The following DNAI7 variants were observed in gnomAD, a reference collection of about 807,000 sequenced individuals.
DNAI7 encodes cancer susceptibility 1.
A neutral mutation model predicts 86.6 loss-of-function variants in DNAI7; 78 were observed. The observed-to-expected ratio is 0.90, with a 90% CI of 0.75 to 1.09. The LOEUF is 1.09. DNAI7 is among the 50% of genes least tolerant of loss of function. The pLI is 0.00. For missense variants in DNAI7, 753 were observed against 810.2 expected, an observed-to-expected ratio of 0.93 and a Z score of 0.86; for synonymous variants, 274 against 273.0, an observed-to-expected ratio of 1.00 and a Z score of -0.04.
chr12:25,110,813 T>G (rs1019211903), intron 14 of DNAI7, among the ~76,000 whole-genome samples: 17 of 152,206 alleles, frequency 1.1e-4, no homozygotes, highest in African/African-American at 4.1e-4. Flanking sequence ...TTTATTTTTT[T>G]AAATGTTTTC....
chr12:25,114,490 A>T (rs749975635), intron 13 of DNAI7, among the ~76,000 whole-genome samples, 166 bp downstream of exon 13: 1 of 152,204 alleles, frequency 6.6e-6, no homozygotes, highest in Non-Finnish European at 1.5e-5. Flanking sequence ...TTCAACTAAT[A>T]TTTCATTTAG....
chr12:25,195,073 C>T lies in DNAI7; in HGVS notation c.3+3G>A. 1 of 1,614,218 alleles carries T rather than the reference C, an allele frequency of 6.2e-7. No homozygotes were observed. Reference sequence around the variant, plus strand: ...ACCTGTCTGCCTCATTTGCCTTGCTCACCATTAAGAGTCAAGCTCCACTGC... The same window carrying T: ...ACCTGTCTGCCTCATTTGCCTTGCTTACCATTAAGAGTCAAGCTCCACTGC... On this transcript the variant is annotated splice_donor_region_variant and intron_variant, in intron 1 of 15. Coordinates refer to ENST00000395987, the MANE Select transcript of DNAI7 (RefSeq NM_018272.5).
rs768239268 is a variant in DNAI7 at position 25,111,943 on chromosome 12, G to A, written c.1612-4C>T. ...AAGATAACATGCAGAGGTTTTCCTA[G>A]TTTAAATAAGAAAAAAGAAGCTTTT... On this transcript the variant is annotated splice_polypyrimidine_tract_variant and splice_region_variant and intron_variant, in intron 13 of 15. Transcript: ENST00000395987. 6.4e-7 allele frequency: 1 copy of A among 1,557,506 alleles called. No homozygotes were observed. The highest frequency in any genetic ancestry group is 8.7e-7 in the Non-Finnish European group (1 of 1,154,568).
At chr12:25,123,110 TA>T in intron 10 of DNAI7, 100 bp downstream of exon 10, 1 of 738,180 alleles carries the variant, frequency 1.4e-6, no homozygotes, top group Non-Finnish European at 2.2e-6. Flanking sequence ...ACTTTAAATA[TA>T]TTTTTGCAAT....
intron 13 of DNAI7, among the ~76,000 whole-genome samples, chr12:25,112,152 G>A (rs894348874): frequency 2.5e-4 from 38 of 151,938 alleles, no homozygotes; most frequent in African/African-American, 7.7e-4. Flanking sequence ...ACTCTTTTTG[G>A]GCTTCATCAG....
intron 1 of DNAI7, among the ~76,000 whole-genome samples, chr12:25,193,945 C>T (rs890264998): frequency 4.6e-5 from 7 of 151,402 alleles, no homozygotes; most frequent in Non-Finnish European, 2.9e-5. Flanking sequence ...CTTCAGCCCC[C>T]TGAGTAGCTG....
chr12:25,116,991 G>A (rs1940248227), intron 12 of DNAI7, among the ~76,000 whole-genome samples: 1 of 151,896 alleles, frequency 6.6e-6, no homozygotes, highest in Non-Finnish European at 1.5e-5. Context: ...CTGAGTGCTG[G>A]GGCATGATCA....
chr12:25,126,850 T>G (rs764749004), intron 9 of DNAI7, among the ~76,000 whole-genome samples: 3 of 152,186 alleles, frequency 2.0e-5, no homozygotes, highest in African/African-American at 7.2e-5. Flanking sequence ...TTCATATCTT[T>G]AAAAAGTTGA....
In DNAI7 at chr12:25,108,543, G is replaced by A. The variant is rs1354075726; in HGVS notation, c.*5C>T. 2 of 1,608,064 alleles carry A rather than the reference G, an allele frequency of 1.2e-6. No homozygotes were observed. The highest frequency in any genetic ancestry group is 2.2e-5 in the East Asian group (1 of 44,754). Reference sequence around the variant, plus strand: ...CATACTTACAATACAGTTTGTAAGTGGAGGTTAGGAGTAGCTGAGCAATCT... The same window carrying A: ...CATACTTACAATACAGTTTGTAAGTAGAGGTTAGGAGTAGCTGAGCAATCT... On this transcript the variant is annotated 3_prime_UTR_variant, in exon 16 of 16. Transcript: ENST00000395987.
chr12:25,129,935 T>C (rs12581134), intron 9 of DNAI7, among the ~76,000 whole-genome samples: 60,125 of 151,480 alleles, frequency 0.4, 13,799 homozygotes, highest in East Asian at 0.77. Context: ...GCTAATTTTG[T>C]ATTTTTAGTA....
downstream of DNAI7, chr12:25,107,789 C>T: frequency 1.3e-6 from 2 of 1,596,316 alleles, no homozygotes; most frequent in Non-Finnish European, 1.7e-6. Flanking sequence ...TTACCGATTA[C>T]CAAATTCTAT....
intron 2 of DNAI7, among the ~76,000 whole-genome samples, chr12:25,164,917 C>T (rs1040873592): frequency 1.3e-4 from 19 of 151,750 alleles, no homozygotes; most frequent in African/African-American, 2.9e-4. Context: ...AGTTTCGTTC[C>T]GCGACTAGCC....
Position 25,180,824 on chromosome 12 carries a change from T to C in DNAI7, c.21+9790A>G, listed in dbSNP as rs560815000. ...GACTTAAATATAAGACCTCAAACTA[T>C]AATTTTTTTTTTCACTCTTGTCGCC... On this transcript the variant is annotated intron_variant, in intron 2 of 15. Transcript: ENST00000395987. Among the ~76,000 whole-genome samples, 69 of 152,254 alleles carry C rather than the reference T, an allele frequency of 4.5e-4. No homozygotes were observed. In the Middle Eastern group the frequency reaches 0.017, roughly 38 times the overall value.
chr12:25,122,430 T>C (rs1306489977), intron 10 of DNAI7, among the ~76,000 whole-genome samples: 4 of 90,226 alleles, frequency 4.4e-5, no homozygotes, highest in Admixed American at 1.8e-4. Context: ...TACTGGGCAA[T>C]AGAGCAAGAT....
At chr12:25,158,276 GATGCTTAATTTCTCTATGCCTCA>G (rs1231616347) in intron 4 of DNAI7, among the ~76,000 whole-genome samples, 173 bp downstream of exon 4, 9 of 152,032 alleles carry the variant, frequency 5.9e-5, no homozygotes, top group African/African-American at 2.2e-4. Flanking sequence ...CCACTGATTA[GATGCTTAATTTCTCTATGCCTCA>G]ATTTCCTCAT....
intron 2 of DNAI7, among the ~76,000 whole-genome samples, chr12:25,182,347 CAA>C (rs1172587693): frequency 6.0e-3 from 379 of 63,222 alleles, no homozygotes; most frequent in Non-Finnish European, 8.8e-3. Context: ...AACTTCATCT[CAA>C]AAAAAAAAAA....
chr12:25,164,141 T>C (rs2074916523), intron 2 of DNAI7, among the ~76,000 whole-genome samples: 1 of 151,718 alleles, frequency 6.6e-6, no homozygotes, highest in South Asian at 2.1e-4. Context: ...CTACCCCTTC[T>C]CCGCTTTTCT....
chr12:25,160,291 T>C (rs1289015265), intron 3 of DNAI7, among the ~76,000 whole-genome samples: 1 of 152,248 alleles, frequency 6.6e-6, no homozygotes, highest in Non-Finnish European at 1.5e-5. Context: ...CAATAAACAT[T>C]TGTTGAATAT....
intron 6 of DNAI7, among the ~76,000 whole-genome samples, chr12:25,151,161 A>C (rs1945492927): frequency 6.6e-6 from 1 of 152,206 alleles, no homozygotes; most frequent in African/African-American, 2.4e-5. Flanking sequence ...GCAGGGCTTC[A>C]ATCCTGGCCA....
Sources: gnomAD v4.1 joint callset for allele counts (sites outside exome capture counted in the v4.1 genomes callset) on GRCh38, gnomAD v4.1.1 for gene constraint, MANE v1.5 for transcripts, NCBI Gene and HGNC (gene_info 2026-07-23, HGNC 2026-07-21) for gene names.